Variants in CAMTA1 observed in about 807,000 individuals in gnomAD.
CAMTA1 encodes the protein calmodulin binding transcription activator 1, also known as calmodulin-binding transcription activator 1.
Under a neutral mutation model 170.9 loss-of-function variants are expected in CAMTA1, and 27 were observed. The observed-to-expected ratio is 0.16, with a 90% confidence interval of 0.12 to 0.22. CAMTA1 has a LOEUF of 0.22. CAMTA1 is among the 10% of genes least tolerant of loss of function. CAMTA1 has a pLI of 1.00. For missense variants in CAMTA1, 1,619 were observed against 2,217.2 expected, an observed-to-expected ratio of 0.73 and a Z score of 5.42; for synonymous variants, 833 against 891.5, an observed-to-expected ratio of 0.93 and a Z score of 1.17.
intron 3 of CAMTA1, among the ~76,000 whole-genome samples, chr1:6,847,005 AT>A (rs879327132): frequency 3.7e-3 from 527 of 143,996 alleles, no homozygotes; most frequent in Middle Eastern, 7.4e-3. Context: ...TGAAGGATGG[AT>A]TTTTTTTTTT....
intron 4 of CAMTA1, among the ~76,000 whole-genome samples, chr1:7,110,803 T>C (rs1247883476): frequency 6.6e-6 from 1 of 152,232 alleles, no homozygotes. Context: ...GGCCTCCCAG[T>C]TTAGGGACTC....
At chr1:6,813,025 T>C (rs549290640) in intron 1 of CAMTA1, among the ~76,000 whole-genome samples, 1 of 152,362 alleles carries the variant, frequency 6.6e-6, no homozygotes, top group South Asian at 2.1e-4. Context: ...CCTACCAGAC[T>C]TTTTCCTTTT....
At chr1:6,812,907 A>G (rs1048185970) in intron 1 of CAMTA1, among the ~76,000 whole-genome samples, 2 of 152,180 alleles carry the variant, frequency 1.3e-5, no homozygotes, top group African/African-American at 4.8e-5. Context: ...ACTCAATTCT[A>G]GGTGTTGAAC....
intron 3 of CAMTA1, among the ~76,000 whole-genome samples, chr1:7,089,921 G>A (rs1641260496): frequency 6.6e-6 from 1 of 152,210 alleles, no homozygotes; most frequent in Non-Finnish European, 1.5e-5. Flanking sequence ...AAGGCTCAGG[G>A]ATGAGAGAAC....
At chr1:6,846,523 G>A (rs545775417) in intron 3 of CAMTA1, among the ~76,000 whole-genome samples, 1 of 152,356 alleles carries the variant, frequency 6.6e-6, no homozygotes, top group Admixed American at 6.5e-5. Flanking sequence ...TTCAAAAACA[G>A]AGTAGCTTGT....
At chr1:7,742,347 G>T (rs1420299433) in intron 16 of CAMTA1, among the ~76,000 whole-genome samples, 1 of 151,660 alleles carries the variant, frequency 6.6e-6, no homozygotes, top group Non-Finnish European at 1.5e-5. Context: ...AAATCAGAAG[G>T]CTTGATTTCA....
intron 3 of CAMTA1, among the ~76,000 whole-genome samples, chr1:6,830,903 C>G (rs1649769741): frequency 6.6e-6 from 1 of 152,088 alleles, no homozygotes; most frequent in Admixed American, 6.6e-5. Context: ...ACTGCAAGCT[C>G]CACCTCCCAA....
chr1:7,592,260 C>CCCATCACTGTCCTTG lies in CAMTA1; in HGVS notation c.511-48125_511-48111dup, dbSNP rs1266431520. On this transcript the variant is annotated intron_variant, in intron 6 of 22. Transcript: ENST00000303635. This position sits in a 1 kb window ranked among gnomAD's most constrained non-coding sequence, Gnocchi z 4.6. ...TTTGAAGGCCCCTTCCCCAACCACGCCCATCACTGTCCTTGCCATCACTGT... is the reference window on the plus strand; with the variant it reads ...TTTGAAGGCCCCTTCCCCAACCACGCCCATCACTGTCCTTGCCATCACTGTCCTTGCCATCACTGT... Among the ~76,000 whole-genome samples the CCCATCACTGTCCTTG allele has an allele frequency of 6.6e-6, 1 of 152,146 alleles. No homozygotes were observed. Among genetic ancestry groups the CCCATCACTGTCCTTG allele is most frequent in the South Asian group, 2.1e-4 (1 of 4,824 alleles).
intron 5 of CAMTA1, among the ~76,000 whole-genome samples, chr1:7,423,469 C>CAA (rs1016382434): frequency 2.5e-3 from 120 of 47,692 alleles, no homozygotes; most frequent in East Asian, 0.012. Context: ...AACTCCATCT[C>CAA]AAAAAAAAAA....
rs190659678 is a variant in CAMTA1, at chr1:6,816,335, A to G, written c.46-3846A>G. On this transcript the variant is annotated intron_variant, in intron 1 of 22. Coordinates refer to ENST00000303635, the MANE Select transcript of CAMTA1 (RefSeq NM_015215.4). The stretch of plus-strand genomic sequence containing the variant: ...ATTTACCATCTGTCTTCCCCCCACT[A>G]GAATGTATCTCCAAGAGGACAGGAC... 2.1e-3 allele frequency among the ~76,000 whole-genome samples: 318 copies of G among 152,232 alleles called. 3 individuals carry two copies. Among genetic ancestry groups the G allele is most frequent in the African/African-American group, 7.3e-3 (304 of 41,552 alleles).
intron 11 of CAMTA1, among the ~76,000 whole-genome samples, chr1:7,721,149 C>T (rs1481748270): frequency 1.3e-5 from 2 of 152,198 alleles, no homozygotes; most frequent in Non-Finnish European, 2.9e-5. Flanking sequence ...TAGCCTCTAG[C>T]AGGAATGACA....
chr1:6,957,717 G>A (rs554959748), intron 3 of CAMTA1, among the ~76,000 whole-genome samples: 1 of 151,196 alleles, frequency 6.6e-6, no homozygotes, highest in East Asian at 1.9e-4. Context: ...CAGCTGATTA[G>A]TTGCCTTAAT....
chr1:7,651,772 A>G (rs557704021), intron 7 of CAMTA1, among the ~76,000 whole-genome samples: 4 of 152,404 alleles, frequency 2.6e-5, no homozygotes, highest in Non-Finnish European at 5.9e-5. Flanking sequence ...GAGGAAACAA[A>G]GATCTTGTTC....
chr1:7,565,185 T>G lies in CAMTA1; in HGVS notation c.511-75215T>G, dbSNP rs2095024283. Among the ~76,000 whole-genome samples the G allele has an allele frequency of 6.6e-6, 1 of 152,070 alleles. No homozygotes were observed. On this transcript the variant is annotated intron_variant, in intron 6 of 22. Transcript: ENST00000303635. This position sits in a 1 kb window ranked among gnomAD's most constrained non-coding sequence, Gnocchi z 4.5. ...CACCCTCCACTTGCCAGCCGATCAC[T>G]GGGGCAGAAGGTGGGATCTCCATCT...
chr1:7,614,535 C>A (rs2095546193), intron 6 of CAMTA1, among the ~76,000 whole-genome samples: 1 of 152,202 alleles, frequency 6.6e-6, no homozygotes, highest in South Asian at 2.1e-4. Flanking sequence ...ACAGTGACAA[C>A]AACCGCCCCA....
intron 3 of CAMTA1, among the ~76,000 whole-genome samples, chr1:6,840,064 G>C (rs1228800854): frequency 1.3e-5 from 2 of 152,178 alleles, no homozygotes; most frequent in Non-Finnish European, 2.9e-5. Context: ...GCCGGGCGTG[G>C]TGGCACATGC....
At position 7,007,639 on chromosome 1, in the gene CAMTA1, C is replaced by T. The variant is rs1264999336; in HGVS notation, c.235-83665C>T. ...GTGACCTGGTGCTTGACCCAGACTG[C>T]CGAGGGGTGGCCGGGCCCTGTCAGT... On this transcript the variant is annotated intron_variant, in intron 3 of 22. Transcript: ENST00000303635. The surrounding 1 kb of genome is among the most constrained non-coding windows in gnomAD (Gnocchi z 4.5). Among the ~76,000 whole-genome samples the T allele has an allele frequency of 6.6e-6, 1 of 152,164 alleles. No individual in the cohort carries two copies. Among genetic ancestry groups the T allele is most frequent in the Non-Finnish European group, 1.5e-5 (1 of 68,024 alleles).
chr1:7,586,063 G>T (rs1021389602), intron 6 of CAMTA1, among the ~76,000 whole-genome samples: 1 of 152,036 alleles, frequency 6.6e-6, no homozygotes, highest in Admixed American at 6.5e-5. Context: ...ACAAGGTGGT[G>T]AGAACAAGCT....
At chr1:7,303,503 T>C (rs1185009961) in intron 5 of CAMTA1, among the ~76,000 whole-genome samples, 5 of 152,200 alleles carry the variant, frequency 3.3e-5, no homozygotes, top group Non-Finnish European at 7.3e-5. Context: ...GTCATACAAA[T>C]TAGTACATTT....
Sources: allele counts gnomAD v4.1 joint callset (sites outside exome capture counted in the v4.1 genomes callset), GRCh38; gene constraint gnomAD v4.1.1; non-coding constraint Gnocchi (gnomAD v3.1); transcripts MANE v1.5; gene names NCBI Gene and HGNC (gene_info 2026-07-23, HGNC 2026-07-21).